The following LAMA2 variants were observed in gnomAD, a reference collection of about 807,000 sequenced individuals.
LAMA2 encodes laminin subunit alpha-2.
In LAMA2, 269 loss-of-function variants were observed where a neutral mutation model predicts 364.8. That is an observed-to-expected ratio of 0.74 (90% confidence interval 0.67 to 0.82). The LOEUF is 0.82. Among genes scored for constraint, LAMA2 ranks in the 40% least tolerant of loss-of-function variants. The probability of loss-of-function intolerance (pLI) is 0.00; values close to 1 mark genes in which losing one functional copy is unlikely to be tolerated. For missense variants in LAMA2, 3,807 were observed against 3,873.2 expected, an observed-to-expected ratio of 0.98 and a Z score of 0.45; for synonymous variants, 1,379 against 1,370.6, an observed-to-expected ratio of 1.01 and a Z score of -0.14.
At chr6:129,425,841 A>G (rs1007284238) in intron 40 of LAMA2, among the ~76,000 whole-genome samples, 1 of 151,904 alleles carries the variant, frequency 6.6e-6, no homozygotes, top group Non-Finnish European at 1.5e-5. Flanking sequence ...CGCTGATGCT[A>G]TTCCTTATTT....
intron 1 of LAMA2, among the ~76,000 whole-genome samples, chr6:129,017,495 A>C (rs200322745): frequency 3.7e-5 from 1 of 26,822 alleles, no homozygotes; most frequent in South Asian, 1.6e-3. Flanking sequence ...TCTCTGTCAG[A>C]TACGACAGGT....
At chr6:128,943,735 A>T (rs1210023043) in intron 1 of LAMA2, among the ~76,000 whole-genome samples, 2 of 152,246 alleles carry the variant, frequency 1.3e-5, no homozygotes, top group African/African-American at 4.8e-5. Flanking sequence ...TGTACAAGAA[A>T]ACTCAGCAAA....
chr6:129,459,034 A>C (rs1452245394), intron 48 of LAMA2, among the ~76,000 whole-genome samples: 1 of 152,082 alleles, frequency 6.6e-6, no homozygotes, highest in Non-Finnish European at 1.5e-5. Context: ...ACAAGAATAC[A>C]TTCTGAGAAA....
chr6:129,121,311 A>ATATTCAAGTTAAATAAAAATGCAATGGT (rs2114918984), intron 4 of LAMA2, among the ~76,000 whole-genome samples: 1 of 152,354 alleles, frequency 6.6e-6, no homozygotes, highest in African/African-American at 2.4e-5. Context: ...TATTTAAAAA[A>ATATTCAAGTTAAATAAAAATGCAATGGT]ATTTTTTGAG....
intron 58 of LAMA2, among the ~76,000 whole-genome samples, chr6:129,495,569 A>T (rs1785122994): frequency 6.6e-6 from 1 of 152,118 alleles, no homozygotes; most frequent in South Asian, 2.1e-4. Context: ...ATATTCAATC[A>T]AGCAGAACCT....
chr6:129,185,506 T>A (rs1014642310), intron 10 of LAMA2, among the ~76,000 whole-genome samples: 1 of 151,900 alleles, frequency 6.6e-6, no homozygotes, highest in Non-Finnish European at 1.5e-5. Flanking sequence ...AATAGATGTC[T>A]AAAGCACACA....
intron 4 of LAMA2, among the ~76,000 whole-genome samples, chr6:129,114,378 T>G (rs1776338641): frequency 6.6e-6 from 1 of 152,058 alleles, no homozygotes; most frequent in African/African-American, 2.4e-5. Context: ...ACAAGTCATC[T>G]TATTAGAAGA....
At chr6:128,913,786 T>C (rs940319582) in intron 1 of LAMA2, among the ~76,000 whole-genome samples, 1 of 152,134 alleles carries the variant, frequency 6.6e-6, no homozygotes, top group Non-Finnish European at 1.5e-5. Flanking sequence ...CCTCAGCACA[T>C]GGAGAATCTA....
At chr6:129,397,354 T>C (rs973250092) in intron 37 of LAMA2, among the ~76,000 whole-genome samples, 4 of 152,200 alleles carry the variant, frequency 2.6e-5, no homozygotes, top group African/African-American at 9.7e-5. Flanking sequence ...TTTGTTTTTA[T>C]TGTACTCATC....
At chr6:128,982,631 A>G (rs1362781343) in intron 1 of LAMA2, among the ~76,000 whole-genome samples, 1 of 151,130 alleles carries the variant, frequency 6.6e-6, no homozygotes, top group Non-Finnish European at 1.5e-5. Context: ...TTATACTTTA[A>G]GTTTTAGGGT....
rs2114502418 is a variant in LAMA2, at chr6:129,315,895, A to G, written c.3869A>G (p.His1290Arg). Reference sequence around the variant, plus strand: ...ACTCATGCTAGAATTATCGTCAGGCATATGGCTGCTCCTCTGATTGGCCAA... The same window carrying G: ...ACTCATGCTAGAATTATCGTCAGGCGTATGGCTGCTCCTCTGATTGGCCAA... Reference protein sequence around the residue: ...TPTHARIIVRHMAAPLIGQLT... With the variant: ...TPTHARIIVRRMAAPLIGQLT... The change falls in exon 26 of 65, where the codon CAT becomes CGT. Residue 1290 changes from histidine to arginine, a missense_variant. Physicochemically the swap from His to Arg is conservative, Grantham distance 29. Around this residue, in one of 3 missense-constraint regions of LAMA2, gnomAD observed 3,333 missense variants for 3,345.7 expected, o/e 1.00. Coordinates refer to ENST00000421865, the MANE Select transcript of LAMA2 (RefSeq NM_000426.4). 3 of 1,614,150 alleles carry G rather than the reference A, an allele frequency of 1.9e-6. No individual in the cohort carries two copies. The highest frequency in any genetic ancestry group is 2.2e-5 in the East Asian group (1 of 44,876).
intron 35 of LAMA2, among the ~76,000 whole-genome samples, chr6:129,390,975 C>T (rs982867433): frequency 1.3e-5 from 2 of 152,176 alleles, no homozygotes; most frequent in Non-Finnish European, 2.9e-5. Context: ...AAGTCTAGAC[C>T]AGTGCTTCTT....
chr6:129,432,511 G>T (rs182540482), intron 41 of LAMA2, among the ~76,000 whole-genome samples: 2 of 152,290 alleles, frequency 1.3e-5, no homozygotes, highest in Non-Finnish European at 2.9e-5. Context: ...AAACTTATCT[G>T]GGCTTTGTTG....
At chr6:128,910,246 T>A (rs200466422) in intron 1 of LAMA2, among the ~76,000 whole-genome samples, 4,375 of 123,552 alleles carry the variant, frequency 0.035, no homozygotes, top group Non-Finnish European at 0.041. Flanking sequence ...CAACTTGGTT[T>A]CATTCTCCCC....
At chr6:129,036,264 T>C (rs1296730307) in intron 1 of LAMA2, among the ~76,000 whole-genome samples, 1 of 152,164 alleles carries the variant, frequency 6.6e-6, no homozygotes, top group East Asian at 1.9e-4. Context: ...TATTTTCTTA[T>C]GTATGTCTAA....
intron 37 of LAMA2, among the ~76,000 whole-genome samples, chr6:129,398,977 G>A (rs1207500303): frequency 1.3e-5 from 2 of 152,104 alleles, no homozygotes; most frequent in East Asian, 3.8e-4. Context: ...GTAATAAATG[G>A]TATGTTGCAT....
At chr6:129,017,164 A>G (rs1317777715) in intron 1 of LAMA2, among the ~76,000 whole-genome samples, 1 of 152,034 alleles carries the variant, frequency 6.6e-6, no homozygotes, top group Admixed American at 6.6e-5. Context: ...CAATATATTG[A>G]CCATAAGTAA....
rs1367052746 is a variant in LAMA2 at position 129,270,670 on chromosome 6, C to G, written c.2369C>G (p.Pro790Arg). ...TGGPYCDKCL[P>R]GFYGEPTKGT... ...GGCCCATATTGTGATAAATGTCTTCCTGGTTTCTATGGCGAGCCTACTAAA... is the reference window on the plus strand; with the variant it reads ...GGCCCATATTGTGATAAATGTCTTCGTGGTTTCTATGGCGAGCCTACTAAA... Residue 790 changes from proline (P) to arginine (R), a missense_variant, in exon 17 of 65, where the codon CCT becomes CGT. Pro to Arg is a moderately radical substitution (Grantham distance 103). Around this residue, in one of 3 missense-constraint regions of LAMA2, gnomAD observed 3,333 missense variants for 3,345.7 expected, o/e 1.00. Transcript: ENST00000421865. The G allele has an allele frequency of 6.2e-7, 1 of 1,613,020 alleles. No individual in the cohort carries two copies. The highest frequency in any genetic ancestry group is 8.5e-7 in the Non-Finnish European group (1 of 1,179,312).
At chr6:129,253,774 G>T (rs964601693) in intron 14 of LAMA2, among the ~76,000 whole-genome samples, 3 of 152,172 alleles carry the variant, frequency 2.0e-5, no homozygotes, top group African/African-American at 7.2e-5. Context: ...ATGTTGGACA[G>T]TTTCAGTGTC....
Sources: allele counts gnomAD v4.1 joint callset (sites outside exome capture counted in the v4.1 genomes callset), GRCh38; gene constraint gnomAD v4.1.1; regional missense constraint gnomAD v4.1.1; transcripts MANE v1.5; gene names NCBI Gene and HGNC (gene_info 2026-07-23, HGNC 2026-07-21).